DUOX1: variants seen among roughly 807,000 people sequenced by gnomAD.
DUOX1 encodes the protein NADPH thyroid oxidase 1.
In DUOX1, 134 loss-of-function variants were observed where a neutral mutation model predicts 181.8. That is an observed-to-expected ratio of 0.74 (90% confidence interval 0.64 to 0.85). The LOEUF (loss-of-function observed/expected upper bound fraction) is 0.85. DUOX1 is among the 40% of genes least tolerant of loss of function. DUOX1 has a pLI of 0.00. For missense variants in DUOX1, 1,814 were observed against 2,064.4 expected, an observed-to-expected ratio of 0.88 and a Z score of 2.35; for synonymous variants, 798 against 832.5, an observed-to-expected ratio of 0.96 and a Z score of 0.71.
intron 29 of DUOX1, 137 bp downstream of exon 29, chr15:45,161,127 G>A: frequency 1.5e-6 from 2 of 1,349,060 alleles, no homozygotes; most frequent in Non-Finnish European, 2.0e-6. Context: ...AAAGGAGCTG[G>A]TAGGGGCAAG....
intron 18 of DUOX1, among the ~76,000 whole-genome samples, chr15:45,145,644 G>A (rs557627081): frequency 2.0e-5 from 3 of 152,236 alleles, no homozygotes; most frequent in South Asian, 2.1e-4. Flanking sequence ...GGTCAGGTGC[G>A]GTGGCTCACA....
intron 2 of DUOX1, among the ~76,000 whole-genome samples, chr15:45,132,820 G>A (rs1288319680): frequency 1.3e-5 from 2 of 152,062 alleles, no homozygotes; most frequent in Non-Finnish European, 2.9e-5. Flanking sequence ...CGCTTTCCCT[G>A]TACTGTCCTG....
At chr15:45,155,143 T>C (rs1297532982) in intron 27 of DUOX1, among the ~76,000 whole-genome samples, 1 of 152,270 alleles carries the variant, frequency 6.6e-6, no homozygotes, top group East Asian at 1.9e-4. Flanking sequence ...CACATTTATA[T>C]AGGGCCCACG....
In DUOX1 at chr15:45,150,691, G is replaced by A. The variant is rs1774949214; in HGVS notation, c.2878G>A (p.Asp960Asn). The change falls in exon 22 of 34, where the codon GAT (aspartate) becomes AAT (asparagine). Residue 960 changes from aspartate to asparagine, a missense_variant. Coordinates refer to ENST00000389037, the MANE Select transcript of DUOX1 (RefSeq NM_175940.3). Reference sequence around the variant, plus strand: ...CCGGCGAGCCTCCTACATCAGCCAGGATATGATCTGGTGAGCACCCATCTG... The same window carrying A: ...CCGGCGAGCCTCCTACATCAGCCAGAATATGATCTGGTGAGCACCCATCTG... ...LCRRASYISQ[D>N]MICPSPRVSA... 1 of 1,613,818 alleles carries A rather than the reference G, an allele frequency of 6.2e-7. No individual in the cohort carries two copies. The highest frequency in any genetic ancestry group is 1.3e-5 in the African/African-American group (1 of 74,934).
In DUOX1 at chr15:45,153,440, T is replaced by A. The variant is rs767462499; in HGVS notation, c.3485T>A (p.Val1162Asp). Reference sequence around the variant, plus strand: ...CTGTTCTCCATCAGCCCCCTCAGCGTCCTCTCTTGCCTCTTTCCTGGCCTC... The same window carrying A: ...CTGTTCTCCATCAGCCCCCTCAGCGACCTCTCTTGCCTCTTTCCTGGCCTC... ...VYLFSISPLS[V>D]LSCLFPGLFH... Residue 1162 changes from valine (V) to aspartate (D), a missense_variant, in exon 26 of 34, where the codon GTC becomes GAC. By Grantham distance (152) the Val-to-Asp change is radical. This residue lies in a region of DUOX1 where 279 missense variants were observed against 381.9 expected (regional missense o/e 0.73). Transcript: ENST00000389037. The A allele has an allele frequency of 3.7e-6, 6 of 1,613,402 alleles. No individual in the cohort carries two copies. Among genetic ancestry groups the A allele is most frequent in the Non-Finnish European group, 5.1e-6 (6 of 1,179,930 alleles).
intron 27 of DUOX1, 34 bp from the exon 28 acceptor site, chr15:45,155,768 A>G: frequency 6.2e-7 from 1 of 1,612,372 alleles, no homozygotes; most frequent in East Asian, 2.2e-5. Context: ...CAAGGCACTG[A>G]TCTTCTGCCT....
chr15:45,134,367 T>A, intron 4 of DUOX1, 58 bp downstream of exon 4: 1 of 1,510,056 alleles, frequency 6.6e-7, no homozygotes, highest in Non-Finnish European at 8.9e-7. Context: ...CACCTCTGCA[T>A]GTGAAGAGGG....
intron 18 of DUOX1, 92 bp from the exon 19 acceptor site, chr15:45,147,341 A>C (rs997632339): frequency 1.3e-6 from 2 of 1,498,090 alleles, no homozygotes; most frequent in Non-Finnish European, 1.8e-6. Context: ...CTGGGCAGAC[A>C]CCTCAAAAGG....
chr15:45,143,380 G>A (rs1240247049), intron 16 of DUOX1, 77 bp downstream of exon 16: 16 of 1,235,022 alleles, frequency 1.3e-5, no homozygotes, highest in East Asian at 9.8e-5. Flanking sequence ...CACCCCAGCA[G>A]CCTAAGGAAA....
intron 15 of DUOX1, 88 bp from the exon 16 acceptor site, chr15:45,143,102 G>T (rs994882757): frequency 3.2e-6 from 3 of 935,962 alleles, no homozygotes; most frequent in Non-Finnish European, 5.0e-6. Flanking sequence ...GACAATAGGT[G>T]GTATTGCCAG....
chr15:45,148,139 G>A, intron 20 of DUOX1, 133 bp from the exon 21 acceptor site: 1 of 1,459,204 alleles, frequency 6.9e-7, no homozygotes, highest in Non-Finnish European at 9.5e-7. Flanking sequence ...CAAACTAGCA[G>A]GGGGCTTGGG....
chr15:45,143,335 G>A, intron 16 of DUOX1, 32 bp downstream of exon 16: 1 of 1,574,840 alleles, frequency 6.3e-7, no homozygotes, highest in Non-Finnish European at 8.7e-7. Context: ...GTGGTGGTAG[G>A]GAGGACATGG....
At chr15:45,153,896 AAAAAG>A (rs1313514071) in intron 26 of DUOX1, 50 bp from the exon 27 acceptor site, 17 of 1,512,792 alleles carry the variant, frequency 1.1e-5, no homozygotes, top group Middle Eastern at 1.7e-4. Context: ...CAAAAAAAAA[AAAAAG>A]AGAGAGAGAT....
chr15:45,143,097 T>G, intron 15 of DUOX1, 93 bp from the exon 16 acceptor site: 1 of 900,904 alleles, frequency 1.1e-6, no homozygotes, highest in Non-Finnish European at 1.8e-6. Context: ...GTGGGGACAA[T>G]AGGTGGTATT....
At chr15:45,156,203 C>G (rs900753688) in intron 28 of DUOX1, among the ~76,000 whole-genome samples, 14 of 152,216 alleles carry the variant, frequency 9.2e-5, no homozygotes, top group African/African-American at 3.4e-4. Flanking sequence ...CTCCACCCCA[C>G]TTCTGCCCAG....
chr15:45,139,626 T>C (rs1896440721), intron 12 of DUOX1, 27 bp downstream of exon 12: 3 of 1,527,140 alleles, frequency 2.0e-6, no homozygotes, highest in Admixed American at 2.2e-5. Context: ...ACCCAGAGGG[T>C]AGGGCGGGAG....
At position 45,157,817 on chromosome 15, in the gene DUOX1, T is replaced by TAA. The variant is rs60248114; in HGVS notation, c.3702+1900_3702+1901dup. 8.9e-4 allele frequency among the ~76,000 whole-genome samples: 125 copies of TAA among 141,160 alleles called. 2 individuals carry two copies. Among genetic ancestry groups the TAA allele is most frequent in the Middle Eastern group, 7.2e-3 (2 of 276 alleles). The allele number at this position is 141,160 out of a possible 152,430, so 92.6% of individuals were successfully genotyped here. A position where few individuals can be genotyped will look rare whatever the true frequency, so the allele number is the denominator to read the frequency against. ...CTGGGCAACAGATGGACAGCCTGTT[T>TAA]AAAAAAAAAAAAAGAAATAAAAAAG... On this transcript the variant is annotated intron_variant, in intron 28 of 33. Transcript: ENST00000389037.
At position 45,133,876 on chromosome 15, in the gene DUOX1, C is replaced by G; in HGVS notation, c.71C>G (p.Pro24Arg). ...GAWTPLGAQN[P>R]ISWEVQRFDG... ...CATTCTCACACAGGAGCTCAGAACC[C>G]CATTTCGTGGGAGGTGCAGCGATTT... Residue 24 changes from proline (P) to arginine (R), a missense_variant, in exon 3 of 34, where the codon CCC (proline) becomes CGC (arginine). Physicochemically the swap from Pro to Arg is moderately radical, Grantham distance 103. Around this residue, in one of 5 missense-constraint regions of DUOX1, gnomAD observed 320 missense variants for 313.1 expected, o/e 1.02. Coordinates refer to ENST00000389037, the MANE Select transcript of DUOX1 (RefSeq NM_175940.3). 1 of 1,613,810 alleles carries G rather than the reference C, an allele frequency of 6.2e-7. No homozygotes were observed. The highest frequency in any genetic ancestry group is 2.2e-5 in the East Asian group (1 of 44,864).
rs762870151 is a variant in DUOX1, at chr15:45,135,542, G to T, written c.564G>T (p.Ala188=). The change falls in exon 6 of 34, where the codon GCG becomes GCT. Residue 188 remains alanine, a synonymous_variant. Transcript: ENST00000389037. ...IYGSSHSWSD[A]LRSFSRGQLA... is the part of the protein sequence containing the mutation. ...GTTCCTCGCATTCCTGGAGCGACGC[G>T]CTGCGGAGCTTCTCCAGGGGACAGC... 1.3e-6 allele frequency: 2 copies of T among 1,558,362 alleles called. No homozygotes were observed. Among genetic ancestry groups the T allele is most frequent in the East Asian group, 2.4e-5 (1 of 41,764 alleles).
Sources: allele counts gnomAD v4.1 joint callset (sites outside exome capture counted in the v4.1 genomes callset), GRCh38; gene constraint gnomAD v4.1.1; regional missense constraint gnomAD v4.1.1; transcripts MANE v1.5; gene names NCBI Gene and HGNC (gene_info 2026-07-23, HGNC 2026-07-21).